CNBD1: variants seen among roughly 807,000 people sequenced by gnomAD.
The protein encoded by CNBD1 is cyclic nucleotide-binding domain-containing protein 1.
In CNBD1, 71 loss-of-function variants were observed where a neutral mutation model predicts 54.4. The observed-to-expected ratio is 1.30, with a 90% CI of 1.08 to 1.59. The LOEUF is 1.59. Ranked by LOEUF, CNBD1 falls within the 40% of genes most tolerant of loss-of-function variation. The pLI is 0.00. For synonymous variants in CNBD1, 182 were observed against 170.7 expected (o/e 1.07, Z -0.51); for missense variants, 659 against 518.0 (o/e 1.27, Z -2.64).
At chr8:87,139,149 A>G (rs958857107) in intron 4 of CNBD1, among the ~76,000 whole-genome samples, 2 of 152,082 alleles carry the variant, frequency 1.3e-5, no homozygotes, top group Non-Finnish European at 2.9e-5. Flanking sequence ...TCCTTTGTTT[A>G]TTTCTTAGTT....
rs144793937 is a variant in CNBD1 at position 87,066,415 on chromosome 8, G to A, written c.431+126661G>A. On this transcript the variant is annotated intron_variant, in intron 4 of 10. Transcript: ENST00000518476. ...CCTCTCCTCTACATGAGTGAGTGCT[G>A]CCACCTTATTAATTTTGAAGTTTCC... is the stretch of plus-strand genomic sequence containing the variant. Among the ~76,000 whole-genome samples the A allele has an allele frequency of 1.4e-3, 211 of 152,078 alleles. 2 individuals are homozygous for A. Among genetic ancestry groups the A allele is most frequent in the African/African-American group, 4.7e-3 (197 of 41,550 alleles).
chr8:87,074,738 T>G (rs1480138868), intron 4 of CNBD1, among the ~76,000 whole-genome samples: 1 of 152,162 alleles, frequency 6.6e-6, no homozygotes, highest in Non-Finnish European at 1.5e-5. Context: ...CTTTTCTTCA[T>G]TCTCCGTGGG....
At chr8:87,030,126 A>G (rs1809748931) in intron 4 of CNBD1, among the ~76,000 whole-genome samples, 1 of 152,240 alleles carries the variant, frequency 6.6e-6, no homozygotes, top group East Asian at 1.9e-4. Context: ...ATGTTATTTT[A>G]AAATGCTTGA....
At chr8:87,379,345 A>T (rs1470631307) in intron 10 of CNBD1, among the ~76,000 whole-genome samples, 2 of 151,918 alleles carry the variant, frequency 1.3e-5, no homozygotes, top group South Asian at 2.1e-4. Context: ...CAACAAGGAT[A>T]CCCAGGAATT....
chr8:87,378,599 C>A (rs1205959911), intron 10 of CNBD1, among the ~76,000 whole-genome samples: 1 of 149,242 alleles, frequency 6.7e-6, no homozygotes, highest in Non-Finnish European at 1.5e-5. Flanking sequence ...ATGCCTCCAG[C>A]TTTGTTCTTT....
intron 10 of CNBD1, among the ~76,000 whole-genome samples, chr8:87,370,513 C>T (rs957697805): frequency 1.3e-5 from 2 of 152,154 alleles, no homozygotes; most frequent in African/African-American, 4.8e-5. Context: ...CTTTTGGCTG[C>T]ATAAATGTTT....
At chr8:87,264,370 T>C (rs974135229) in intron 6 of CNBD1, among the ~76,000 whole-genome samples, 58 of 152,326 alleles carry the variant, frequency 3.8e-4, no homozygotes, top group African/African-American at 1.3e-3. Context: ...GGTGTATATG[T>C]GCCACATTTT....
At chr8:86,873,103 GT>G (rs34594723) in intron 1 of CNBD1, among the ~76,000 whole-genome samples, 18,098 of 137,898 alleles carry the variant, frequency 0.13, 1,315 homozygotes, top group African/African-American at 0.23. Flanking sequence ...TGTTGTTTTA[GT>G]TTTTTTTTTT....
chr8:86,963,312 T>A (rs942335019), intron 4 of CNBD1, among the ~76,000 whole-genome samples: 3 of 152,130 alleles, frequency 2.0e-5, no homozygotes, highest in African/African-American at 7.2e-5. Context: ...AAGCATGATA[T>A]TCCCATCCAT....
intron 8 of CNBD1, among the ~76,000 whole-genome samples, chr8:87,341,822 T>G (rs1810069588): frequency 6.6e-6 from 1 of 152,224 alleles, no homozygotes; most frequent in Admixed American, 6.5e-5. Context: ...TCTTATCAGC[T>G]TCCAGAATTG....
chr8:87,096,924 G>A (rs965995211), intron 4 of CNBD1, among the ~76,000 whole-genome samples: 3 of 152,224 alleles, frequency 2.0e-5, no homozygotes, highest in Admixed American at 6.5e-5. Context: ...AAGCAGTGAA[G>A]CACTGGATAA....
At chr8:87,031,673 A>C (rs1809794670) in intron 4 of CNBD1, among the ~76,000 whole-genome samples, 1 of 152,052 alleles carries the variant, frequency 6.6e-6, no homozygotes. Context: ...AAGTTAATAC[A>C]CTCTTAAATC....
At chr8:86,873,424 G>T (rs1808470288) in intron 1 of CNBD1, among the ~76,000 whole-genome samples, 1 of 151,364 alleles carries the variant, frequency 6.6e-6, no homozygotes, top group African/African-American at 2.4e-5. Flanking sequence ...TTTTAAAAAA[G>T]GATTAATTTG....
At chr8:87,427,167 A>G (rs777507565) in intron 2 of CNBD1, among the ~76,000 whole-genome samples, 1 of 152,028 alleles carries the variant, frequency 6.6e-6, no homozygotes, top group South Asian at 2.1e-4. Context: ...TTCAGACTCA[A>G]TTCCCATTAG....
intron 8 of CNBD1, among the ~76,000 whole-genome samples, chr8:87,307,748 T>TTATATATACATA (rs1809185805): frequency 7.2e-6 from 1 of 138,050 alleles, no homozygotes; most frequent in Admixed American, 7.1e-5. Context: ...AAAAAAAAAA[T>TTATATATACATA]TATATATATA....
At chr8:87,384,461 A>G (rs1811145628), downstream of CNBD1, among the ~76,000 whole-genome samples, 1 of 152,142 alleles carries the variant, frequency 6.6e-6, no homozygotes, top group Admixed American at 6.6e-5. Context: ...GCAGATCAGA[A>G]ATTAAAGTTG....
intron 1 of CNBD1, among the ~76,000 whole-genome samples, chr8:86,869,322 G>A (rs898889345): frequency 2.7e-5 from 4 of 148,734 alleles, no homozygotes; most frequent in Admixed American, 6.8e-5. Context: ...TCCTCGTAGC[G>A]TCATCTGTGT....
At chr8:86,908,842 T>G (rs951614369) in intron 3 of CNBD1, among the ~76,000 whole-genome samples, 6 of 147,462 alleles carry the variant, frequency 4.1e-5, no homozygotes, top group African/African-American at 1.3e-4. Context: ...CTCGGCTCAC[T>G]GCAACCTCCG....
At chr8:87,413,761 A>C (rs1482950175) in intron 2 of CNBD1, among the ~76,000 whole-genome samples, 1 of 146,690 alleles carries the variant, frequency 6.8e-6, no homozygotes, top group Non-Finnish European at 1.5e-5. Flanking sequence ...GCCAAAAAAC[A>C]CATGAAAAAA....
Sources: allele counts gnomAD v4.1 joint callset (sites outside exome capture counted in the v4.1 genomes callset), GRCh38; gene constraint gnomAD v4.1.1; transcripts MANE v1.5; gene names NCBI Gene and HGNC (gene_info 2026-07-23, HGNC 2026-07-21).